Variants in SHISA9 observed in about 807,000 individuals in gnomAD.
The protein encoded by SHISA9 is protein shisa-9.
A neutral mutation model predicts 38.0 loss-of-function variants in SHISA9; 13 were observed. That is an observed-to-expected ratio of 0.34 (90% CI 0.22 to 0.54). The LOEUF (loss-of-function observed/expected upper bound fraction) is 0.54, where lower values mean the gene tolerates loss of function less well. SHISA9 is among the 20% of genes least tolerant of loss of function. The probability of loss-of-function intolerance (pLI) is 0.91; values close to 1 mark genes in which losing one functional copy is unlikely to be tolerated. For synonymous variants in SHISA9, 275 were observed against 242.0 expected, an observed-to-expected ratio of 1.14 and a Z score of -1.27; for missense variants, 538 against 575.8, an observed-to-expected ratio of 0.93 and a Z score of 0.67.
the SHISA9 span, among the ~76,000 whole-genome samples, chr16:13,279,671 C>T: frequency 6.6e-6 from 1 of 151,792 alleles, no homozygotes; most frequent in African/African-American, 2.4e-5. Context: ...TCCAGGCAGT[C>T]GATAGTATCA....
chr16:13,241,605 G>C (rs182400931), downstream of SHISA9, among the ~76,000 whole-genome samples: 21 of 152,362 alleles, frequency 1.4e-4, no homozygotes, highest in East Asian at 3.3e-3. Flanking sequence ...CCCTAAGGAT[G>C]TGGGCAGGAA....
chr16:13,027,800 T>C (rs1016922033), intron 2 of SHISA9, among the ~76,000 whole-genome samples: 1 of 151,472 alleles, frequency 6.6e-6, no homozygotes, highest in Non-Finnish European at 1.5e-5. Flanking sequence ...GGTGGTGCAC[T>C]CCTGTAATCC....
At chr16:13,046,135 G>T (rs2073186236) in intron 2 of SHISA9, among the ~76,000 whole-genome samples, 1 of 141,146 alleles carries the variant, frequency 7.1e-6, no homozygotes, top group East Asian at 2.0e-4. Flanking sequence ...GCCTCTCCTT[G>T]GGAAAAGCAG....
Position 13,203,911 on chromosome 16 carries a change from A to G in SHISA9, c.847+362A>G, listed in dbSNP as rs545723193. Among the ~76,000 whole-genome samples the G allele has an allele frequency of 9.3e-4, 140 of 150,940 alleles. 1 individual carries two copies. The South Asian group carries it at 0.027, about 29-fold the overall frequency. On this transcript the variant is annotated intron_variant, in intron 3 of 4. Coordinates refer to ENST00000558583, the MANE Select transcript of SHISA9 (RefSeq NM_001145204.3). ...CCATCTACTATTCACTTATCTGCCT[A>G]TCTATTATCTATTGAATCTATCTAC...
rs181542897 is a variant in SHISA9 at position 13,133,905 on chromosome 16, A to C, written c.692-69489A>C. Among the ~76,000 whole-genome samples the C allele has an allele frequency of 1.9e-3, 291 of 152,334 alleles. 3 individuals carry two copies. Among genetic ancestry groups the C allele is most frequent in the African/African-American group, 6.4e-3 (265 of 41,582 alleles). On this transcript the variant is annotated intron_variant, in intron 2 of 4. Transcript: ENST00000558583. The stretch of plus-strand genomic sequence containing the variant: ...ATATTTTATCATCGACATTGTTTCA[A>C]ATTGCTTGTGCATGGTGATAATATA...
At chr16:13,138,590 C>A (rs1334412003) in intron 2 of SHISA9, among the ~76,000 whole-genome samples, 1 of 152,162 alleles carries the variant, frequency 6.6e-6, no homozygotes, top group Non-Finnish European at 1.5e-5. Context: ...CTCCTCTCAG[C>A]CTCATTCAAG....
At chr16:13,451,167 G>A in the SHISA9 span, among the ~76,000 whole-genome samples, 3 of 152,292 alleles carry the variant, frequency 2.0e-5, no homozygotes, top group East Asian at 1.9e-4. Flanking sequence ...GTGGTGGTAC[G>A]TCTGAGGTGC....
chr16:13,089,920 C>G (rs1012440413), intron 2 of SHISA9, among the ~76,000 whole-genome samples: 3 of 152,186 alleles, frequency 2.0e-5, no homozygotes, highest in Admixed American at 2.0e-4. Context: ...GTCTTTCCTG[C>G]TTTCTCTTGT....
At chr16:12,933,642 A>T (rs559478931) in intron 2 of SHISA9, among the ~76,000 whole-genome samples, 1 of 152,210 alleles carries the variant, frequency 6.6e-6, no homozygotes, top group Non-Finnish European at 1.5e-5. Flanking sequence ...CATAGTTGAT[A>T]TAACAAAGGG....
the SHISA9 span, among the ~76,000 whole-genome samples, chr16:13,358,719 C>T: frequency 6.6e-6 from 1 of 152,194 alleles, no homozygotes; most frequent in Non-Finnish European, 1.5e-5. Context: ...CCCTCTCTGC[C>T]TTATACCTGA....
the SHISA9 span, among the ~76,000 whole-genome samples, chr16:13,279,868 ATGC>A: frequency 3.3e-5 from 5 of 151,884 alleles, no homozygotes; most frequent in Non-Finnish European, 7.4e-5. Flanking sequence ...CACTCCAGTA[ATGC>A]TCTTTGTATT....
At chr16:13,554,323 G>T in the SHISA9 span, among the ~76,000 whole-genome samples, 1 of 148,354 alleles carries the variant, frequency 6.7e-6, no homozygotes, top group African/African-American at 2.5e-5. Flanking sequence ...CACCTTTCAT[G>T]CCTACCTGAG....
chr16:13,127,999 G>C (rs770535434), intron 2 of SHISA9, among the ~76,000 whole-genome samples: 1 of 152,170 alleles, frequency 6.6e-6, no homozygotes, highest in East Asian at 1.9e-4. Flanking sequence ...ATAGGCCCAC[G>C]TCTGTGAACG....
At chr16:13,123,839 A>G (rs1202636564) in intron 2 of SHISA9, among the ~76,000 whole-genome samples, 1 of 152,184 alleles carries the variant, frequency 6.6e-6, no homozygotes, top group Non-Finnish European at 1.5e-5. Context: ...ATCATGTATG[A>G]GCTGTGGGAA....
At chr16:13,107,693 G>T (rs1024117882) in intron 2 of SHISA9, among the ~76,000 whole-genome samples, 2 of 152,192 alleles carry the variant, frequency 1.3e-5, no homozygotes, top group Non-Finnish European at 2.9e-5. Flanking sequence ...TGATCAGGTA[G>T]GTTGGGGCCA....
At chr16:13,208,433 C>CT (rs148636082) in intron 3 of SHISA9, among the ~76,000 whole-genome samples, 31,562 of 119,614 alleles carry the variant, frequency 0.26, 4,144 homozygotes, top group African/African-American at 0.44. Flanking sequence ...CTTTCTTTTT[C>CT]TTTTTTTTTC....
At chr16:13,100,654 C>T (rs1313859023) in intron 2 of SHISA9, among the ~76,000 whole-genome samples, 1 of 152,168 alleles carries the variant, frequency 6.6e-6, no homozygotes, top group Non-Finnish European at 1.5e-5. Flanking sequence ...GAAAGGATAG[C>T]ATAAGCTGTC....
At position 12,925,707 on chromosome 16, in the gene SHISA9, TA is replaced by T. The variant is rs796917264; in HGVS notation, c.691+8893del. Among the ~76,000 whole-genome samples the T allele has an allele frequency of 7.9e-5, 12 of 152,318 alleles. No individual in the cohort carries two copies. In the South Asian group the frequency reaches 2.1e-3, roughly 26 times the overall value. The stretch of plus-strand genomic sequence containing the variant: ...AAGATGCCAAGTTCTGTTCCTTCCA[TA>T]CCAGGGAAAGCTTATCCTTGGACAC... On this transcript the variant is annotated intron_variant, in intron 2 of 4. Coordinates refer to ENST00000558583, the MANE Select transcript of SHISA9 (RefSeq NM_001145204.3).
intron 2 of SHISA9, among the ~76,000 whole-genome samples, chr16:13,026,103 C>A (rs1350163974): frequency 6.6e-6 from 1 of 152,214 alleles, no homozygotes; most frequent in Non-Finnish European, 1.5e-5. Context: ...CCGCGCCCAC[C>A]TTAACAACAT....
Sources: allele counts gnomAD v4.1 joint callset (sites outside exome capture counted in the v4.1 genomes callset), GRCh38; gene constraint gnomAD v4.1.1; transcripts MANE v1.5; gene names NCBI Gene and HGNC (gene_info 2026-07-23, HGNC 2026-07-21).